PPP3CA: variants seen among roughly 807,000 people sequenced by gnomAD.
The protein encoded by PPP3CA is protein phosphatase 3 catalytic subunit alpha.
PPP3CA carries 14 observed loss-of-function variants against 66.5 expected under a neutral mutation model. That is an observed-to-expected ratio of 0.21 (90% confidence interval 0.14 to 0.33). The LOEUF is 0.33. PPP3CA is among the 10% of genes least tolerant of loss of function. The pLI, the probability that PPP3CA is intolerant of heterozygous loss-of-function variation, is 1.00. For missense variants in PPP3CA, 317 were observed against 639.5 expected (o/e 0.50, Z 5.44); for synonymous variants, 232 against 226.2 (o/e 1.03, Z -0.23).
intron 1 of PPP3CA, among the ~76,000 whole-genome samples, chr4:101,235,255 T>C (rs922878532): frequency 1.3e-5 from 2 of 151,854 alleles, no homozygotes; most frequent in Non-Finnish European, 2.9e-5. Context: ...TGAATTGCCT[T>C]AGGAGTAAAT....
chr4:101,069,829 T>A (rs1578418365), intron 8 of PPP3CA, among the ~76,000 whole-genome samples: 1 of 152,318 alleles, frequency 6.6e-6, no homozygotes, highest in East Asian at 1.9e-4. Flanking sequence ...CTTCAGGACA[T>A]TTTTTTCTCT....
intron 1 of PPP3CA, among the ~76,000 whole-genome samples, chr4:101,345,898 A>T (rs1729968757): frequency 6.6e-6 from 1 of 152,228 alleles, no homozygotes; most frequent in South Asian, 2.1e-4. Context: ...ATCACTTGGG[A>T]GGTGTGCACG....
At chr4:101,345,036 A>C (rs1032488205) in intron 1 of PPP3CA, among the ~76,000 whole-genome samples, 3 of 152,224 alleles carry the variant, frequency 2.0e-5, no homozygotes, top group African/African-American at 2.4e-5. Flanking sequence ...AATAAATGTG[A>C]ATGGACTGTT....
intron 2 of PPP3CA, among the ~76,000 whole-genome samples, chr4:101,162,729 A>T (rs969013378): frequency 1.3e-5 from 2 of 152,118 alleles, no homozygotes; most frequent in Non-Finnish European, 1.5e-5. Context: ...AATTACATAC[A>T]GTTTAAAGTA....
In PPP3CA at chr4:101,156,453, G is replaced by A. The variant is rs184059870; in HGVS notation, c.259+39463C>T. ...CCCAGCACTTTGGGAGGCTGAGGCCGGCAGATCACCTGAAGTCGGGAGTTC... is the reference window on the plus strand; with the variant it reads ...CCCAGCACTTTGGGAGGCTGAGGCCAGCAGATCACCTGAAGTCGGGAGTTC... On this transcript the variant is annotated intron_variant, in intron 2 of 13. Coordinates refer to ENST00000394854, the MANE Select transcript of PPP3CA (RefSeq NM_000944.5). Among the ~76,000 whole-genome samples the A allele has an allele frequency of 2.8e-3, 434 of 152,330 alleles. 6 individuals are homozygous for A. Among genetic ancestry groups the A allele is most frequent in the African/African-American group, 9.4e-3 (391 of 41,574 alleles).
chr4:101,202,455 G>T (rs80093447), intron 1 of PPP3CA, among the ~76,000 whole-genome samples: 1 of 152,098 alleles, frequency 6.6e-6, no homozygotes, highest in African/African-American at 2.4e-5. Context: ...TTAAAAAAAA[G>T]TATATCAGTA....
chr4:101,296,652 A>C (rs1728209859), intron 1 of PPP3CA, among the ~76,000 whole-genome samples: 1 of 152,118 alleles, frequency 6.6e-6, no homozygotes, highest in African/African-American at 2.4e-5. Context: ...TATGTCATTT[A>C]AGGGTTTTAT....
At chr4:101,191,114 C>G (rs1048591736) in intron 2 of PPP3CA, among the ~76,000 whole-genome samples, 1 of 152,196 alleles carries the variant, frequency 6.6e-6, no homozygotes, top group Admixed American at 6.5e-5. Context: ...AGTGTGGTCC[C>G]AGATCCAGAG....
At chr4:101,332,781 T>C (rs1462031135) in intron 1 of PPP3CA, among the ~76,000 whole-genome samples, 1 of 152,160 alleles carries the variant, frequency 6.6e-6, no homozygotes, top group Non-Finnish European at 1.5e-5. Flanking sequence ...GGGTTCAAGA[T>C]GGTTACATGA....
At position 101,051,280 on chromosome 4, in the gene PPP3CA, T is replaced by A. The variant is rs556524744; in HGVS notation, c.1156+9807A>T. Reference sequence around the variant, plus strand: ...TTAAAATTTAAATTTTGTGGACATTTATTGAACTTTTAAGTACAGCCTTTA... The same window carrying A: ...TTAAAATTTAAATTTTGTGGACATTAATTGAACTTTTAAGTACAGCCTTTA... On this transcript the variant is annotated intron_variant, in intron 10 of 13. Coordinates refer to ENST00000394854, the MANE Select transcript of PPP3CA (RefSeq NM_000944.5). 5.0e-4 allele frequency among the ~76,000 whole-genome samples: 76 copies of A among 152,258 alleles called. 1 individual carries two copies. The South Asian group carries it at 0.016, about 31-fold the overall frequency.
At chr4:101,240,409 C>T (rs1394332730) in intron 1 of PPP3CA, among the ~76,000 whole-genome samples, 2 of 152,034 alleles carry the variant, frequency 1.3e-5, no homozygotes, top group Non-Finnish European at 2.9e-5. Context: ...ACTGAGTGAG[C>T]TGCTAGAGTA....
At chr4:101,057,693 T>C (rs76081167) in intron 10 of PPP3CA, among the ~76,000 whole-genome samples, 1 of 152,286 alleles carries the variant, frequency 6.6e-6, no homozygotes, top group East Asian at 1.9e-4. Flanking sequence ...AAAGGGTAAA[T>C]GTAGAACCTA....
chr4:101,124,663 C>CAGAAAGAAAGAAGGAA (rs1722140466), intron 2 of PPP3CA, among the ~76,000 whole-genome samples: 1 of 55,188 alleles, frequency 1.8e-5, no homozygotes, highest in Non-Finnish European at 3.7e-5. Flanking sequence ...GAGAGAGAGA[C>CAGAAAGAAAGAAGGAA]AGAAAGAAAG....
intron 1 of PPP3CA, among the ~76,000 whole-genome samples, chr4:101,230,874 A>G (rs1332380498): frequency 1.3e-5 from 2 of 151,736 alleles, no homozygotes; most frequent in Admixed American, 6.6e-5. Flanking sequence ...ATACATCACA[A>G]TCGTTTCAAG....
At chr4:101,157,123 C>T (rs182069252) in intron 2 of PPP3CA, among the ~76,000 whole-genome samples, 11 of 152,310 alleles carry the variant, frequency 7.2e-5, no homozygotes, top group Admixed American at 4.6e-4. Flanking sequence ...GCACTATGCT[C>T]CTGCTTCTCA....
At chr4:101,049,760 AAAAC>A (rs1270248913) in intron 10 of PPP3CA, among the ~76,000 whole-genome samples, 27 of 152,226 alleles carry the variant, frequency 1.8e-4, no homozygotes, top group Admixed American at 2.6e-4. Flanking sequence ...GTGAAGGGAG[AAAAC>A]AAACAAACAT....
intron 12 of PPP3CA, among the ~76,000 whole-genome samples, chr4:101,031,274 A>AAAG (rs1726943618): frequency 6.6e-6 from 1 of 152,120 alleles, no homozygotes; most frequent in Non-Finnish European, 1.5e-5. Context: ...AAAATACAAA[A>AAAG]AAGATTCAAA....
intron 2 of PPP3CA, among the ~76,000 whole-genome samples, chr4:101,193,329 A>C (rs1475256663): frequency 6.6e-6 from 1 of 152,256 alleles, no homozygotes; most frequent in Non-Finnish European, 1.5e-5. Context: ...GTTTGCAAGA[A>C]TACAAAGATA....
At chr4:101,315,970 A>G (rs986407198) in intron 1 of PPP3CA, among the ~76,000 whole-genome samples, 3 of 152,162 alleles carry the variant, frequency 2.0e-5, no homozygotes, top group African/African-American at 7.2e-5. Context: ...TATGAATCTT[A>G]TCCTCAAGGT....
Sources: gnomAD v4.1 joint callset for allele counts (sites outside exome capture counted in the v4.1 genomes callset) on GRCh38, gnomAD v4.1.1 for gene constraint, MANE v1.5 for transcripts, NCBI Gene and HGNC (gene_info 2026-07-23, HGNC 2026-07-21) for gene names.